The following RGS9 variants were observed in gnomAD, a reference collection of about 807,000 sequenced individuals.
RGS9 encodes the protein regulator of G-protein signalling 9.
Under a neutral mutation model 102.0 loss-of-function variants are expected in RGS9, and 78 were observed. That is an observed-to-expected ratio of 0.76 (90% CI 0.64 to 0.92). RGS9 has a LOEUF of 0.92. Ranked by LOEUF, RGS9 falls within the 40% of genes least tolerant of loss-of-function variation. RGS9 has a pLI of 0.00. For missense variants in RGS9, 833 were observed against 866.1 expected, an observed-to-expected ratio of 0.96 and a Z score of 0.48; for synonymous variants, 353 against 318.6, an observed-to-expected ratio of 1.11 and a Z score of -1.15.
intron 15 of RGS9, among the ~76,000 whole-genome samples, chr17:65,205,094 A>G (rs1478631382): frequency 6.6e-6 from 1 of 152,174 alleles, no homozygotes; most frequent in East Asian, 1.9e-4. Flanking sequence ...ACAAAGTGCG[A>G]ATGCGGTGGG....
intron 3 of RGS9, among the ~76,000 whole-genome samples, chr17:65,159,247 ACT>A (rs914393019): frequency 1.2e-4 from 18 of 149,312 alleles, no homozygotes; most frequent in African/African-American, 4.5e-4. Context: ...CCCTTCGCTG[ACT>A]CTCTTTTCGG....
intron 17 of RGS9, among the ~76,000 whole-genome samples, chr17:65,216,182 A>G (rs780692165): frequency 6.6e-6 from 1 of 152,254 alleles, no homozygotes; most frequent in Non-Finnish European, 1.5e-5. Context: ...TGGAATGTCT[A>G]AAATGATAGA....
rs192103863 is a variant in RGS9 at position 65,165,195 on chromosome 17, C to T, written c.500+2106C>T. 2.2e-4 allele frequency among the ~76,000 whole-genome samples: 34 copies of T among 152,238 alleles called. No homozygotes were observed. The East Asian group carries it at 5.6e-3, about 25-fold the overall frequency. On this transcript the variant is annotated intron_variant, in intron 7 of 18. Coordinates refer to ENST00000262406, the MANE Select transcript of RGS9 (RefSeq NM_003835.4). ...GAACCCTGACATCTGCTTTCTTGGG[C>T]GCTCTGGGTGCTCTTGAAGCTTGGA...
intron 17 of RGS9, among the ~76,000 whole-genome samples, chr17:65,224,142 C>T (rs553024691): frequency 3.9e-5 from 6 of 152,282 alleles, no homozygotes; most frequent in African/African-American, 9.6e-5. Flanking sequence ...CAGTGTGTTC[C>T]GCCATGGGAA....
In RGS9 at chr17:65,215,481, TTTCTTTCGTTCTTTCG is replaced by T. The variant is rs1368873446; in HGVS notation, c.1407+4884_1407+4899del. 4.8e-3 allele frequency among the ~76,000 whole-genome samples: 584 copies of T among 120,896 alleles called. 6 individuals carry two copies. Among genetic ancestry groups the T allele is most frequent in the Middle Eastern group, 0.02 (5 of 246 alleles). 79.3% of individuals were successfully genotyped at this position (120,896 alleles called of 152,430 possible). On this transcript the variant is annotated intron_variant, in intron 17 of 18. Transcript: ENST00000262406. ...CTCTTTCTTTCTTTCTTTCTCTATC[TTTCTTTCGTTCTTTCG>T]TTCTTTCTTTCTTTCTTTCTTTCTT...
At chr17:65,164,089 T>A (rs1026758550) in intron 7 of RGS9, among the ~76,000 whole-genome samples, 16 of 151,262 alleles carry the variant, frequency 1.1e-4, no homozygotes, top group Admixed American at 5.9e-4. Flanking sequence ...GGACAGGGAG[T>A]GGTAGGGAGA....
chr17:65,180,768 C>T (rs923095597), intron 9 of RGS9, among the ~76,000 whole-genome samples: 1 of 152,142 alleles, frequency 6.6e-6, no homozygotes, highest in East Asian at 1.9e-4. Flanking sequence ...GCATAGTACT[C>T]ATAGGTAGTT....
chr17:65,165,032 T>C (rs1377219852), intron 7 of RGS9, among the ~76,000 whole-genome samples: 2 of 152,158 alleles, frequency 1.3e-5, no homozygotes, highest in African/African-American at 4.8e-5. Flanking sequence ...CAGTTTTGAG[T>C]TTCTGATGGG....
At chr17:65,215,498 TTC>T (rs1009178574) in intron 17 of RGS9, among the ~76,000 whole-genome samples, 1 of 37,154 alleles carries the variant, frequency 2.7e-5, no homozygotes, top group African/African-American at 7.1e-5. Flanking sequence ...CGTTCTTTCG[TTC>T]TTTCTTTCTT....
chr17:65,144,102 G>A (rs928315310), intron 1 of RGS9, among the ~76,000 whole-genome samples: 5 of 152,170 alleles, frequency 3.3e-5, no homozygotes, highest in African/African-American at 9.7e-5. Flanking sequence ...GTGTCTGAGC[G>A]TCTGCGAGAC....
intron 9 of RGS9, 51 bp downstream of exon 9, chr17:65,177,854 T>G: frequency 7.0e-7 from 1 of 1,436,054 alleles, no homozygotes. Flanking sequence ...ATTCTGGGGC[T>G]GGGAAGGTGT....
At chr17:65,149,644 A>G (rs1488152163) in intron 1 of RGS9, among the ~76,000 whole-genome samples, 2 of 152,248 alleles carry the variant, frequency 1.3e-5, no homozygotes, top group Non-Finnish European at 2.9e-5. Context: ...AATTCTAACC[A>G]TAATAGTGAA....
At chr17:65,162,817 C>T (rs1019899125) in intron 6 of RGS9, among the ~76,000 whole-genome samples, 196 bp from the exon 7 acceptor site, 1 of 152,156 alleles carries the variant, frequency 6.6e-6, no homozygotes, top group Non-Finnish European at 1.5e-5. Context: ...AAAAGTGAGG[C>T]TTCTTGTGAA....
At chr17:65,181,874 A>G (rs1307837343) in intron 9 of RGS9, among the ~76,000 whole-genome samples, 1 of 152,232 alleles carries the variant, frequency 6.6e-6, no homozygotes, top group East Asian at 1.9e-4. Flanking sequence ...ATGCTAATCA[A>G]CACGTAGAGA....
chr17:65,194,723 G>C (rs920676645), intron 12 of RGS9, among the ~76,000 whole-genome samples: 1 of 152,188 alleles, frequency 6.6e-6, no homozygotes, highest in Non-Finnish European at 1.5e-5. Flanking sequence ...TCAAATTAGA[G>C]GGAGAGAGAG....
chr17:65,183,520 C>A (rs1488401564), intron 9 of RGS9, among the ~76,000 whole-genome samples: 4 of 152,140 alleles, frequency 2.6e-5, no homozygotes, highest in Non-Finnish European at 5.9e-5. Flanking sequence ...TGATCTTGAA[C>A]TCCTGGGCTC....
chr17:65,164,408 G>C (rs1042267189), intron 7 of RGS9, among the ~76,000 whole-genome samples: 1 of 152,166 alleles, frequency 6.6e-6, no homozygotes, highest in Non-Finnish European at 1.5e-5. Flanking sequence ...ATCCTACTAG[G>C]TGCCTGAGAA....
At chr17:65,167,975 C>T (rs1457668427) in intron 7 of RGS9, among the ~76,000 whole-genome samples, 1 of 152,016 alleles carries the variant, frequency 6.6e-6, no homozygotes, top group Admixed American at 6.6e-5. Context: ...AAAAGGCCAC[C>T]GGGAGGATGA....
intron 15 of RGS9, among the ~76,000 whole-genome samples, chr17:65,205,320 T>G (rs780710558): frequency 1.8e-4 from 27 of 152,194 alleles, no homozygotes; most frequent in Non-Finnish European, 2.9e-4. Context: ...ATAGGTTATG[T>G]GATATAGGCT....
Sources: allele counts gnomAD v4.1 joint callset (sites outside exome capture counted in the v4.1 genomes callset), GRCh38; gene constraint gnomAD v4.1.1; transcripts MANE v1.5; gene names NCBI Gene and HGNC (gene_info 2026-07-23, HGNC 2026-07-21).